Variants in SNRNP48 observed in about 807,000 individuals in gnomAD.
SNRNP48 encodes small nuclear ribonucleoprotein U11/U12 subunit 48.
Under a neutral mutation model 47.0 loss-of-function variants are expected in SNRNP48, and 43 were observed. That is an observed-to-expected ratio of 0.92 (90% CI 0.72 to 1.18). SNRNP48 has a LOEUF of 1.18. SNRNP48 is among the 50% of genes most tolerant of loss of function. SNRNP48 has a pLI of 0.00. For missense variants in SNRNP48, 396 were observed against 422.2 expected (o/e 0.94, Z 0.54); for synonymous variants, 138 against 144.0 (o/e 0.96, Z 0.30).
chr6:7,595,598 A>G (rs1248752629), intron 4 of SNRNP48, among the ~76,000 whole-genome samples: 1 of 152,250 alleles, frequency 6.6e-6, no homozygotes, highest in Non-Finnish European at 1.5e-5. Context: ...ATGTAAGTCA[A>G]GGAACATCTA....
intron 1 of SNRNP48, among the ~76,000 whole-genome samples, chr6:7,592,906 C>T (rs2806223): frequency 0.7 from 105,877 of 151,960 alleles, 37,372 homozygotes; most frequent in African/African-American, 0.82. Flanking sequence ...ATTGATTGGA[C>T]GTGGGTGATG....
chr6:7,593,589 C>A, intron 1 of SNRNP48, 145 bp from the exon 2 acceptor site: 1 of 442,246 alleles, frequency 2.3e-6, no homozygotes, highest in Non-Finnish European at 3.9e-6. Flanking sequence ...TTCTTTAATA[C>A]ACAACTACAT....
At chr6:7,602,576 T>G in intron 5 of SNRNP48, 47 bp from the exon 6 acceptor site, 1 of 1,396,538 alleles carries the variant, frequency 7.2e-7, no homozygotes, top group Non-Finnish European at 9.6e-7. Context: ...TTCATAGAAT[T>G]TAAAAGCTTT....
intron 6 of SNRNP48, among the ~76,000 whole-genome samples, chr6:7,605,006 G>GCT (rs1188069758): frequency 6.9e-6 from 1 of 144,618 alleles, no homozygotes; most frequent in Non-Finnish European, 1.5e-5. Flanking sequence ...CTTCTCATTG[G>GCT]CACTCTCTCT....
chr6:7,611,132 CT>C lies in SNRNP48; in HGVS notation c.*2260del, dbSNP rs1760226775. 6.6e-6 allele frequency: 1 copy of C among 152,286 alleles called. No individual in the cohort carries two copies. Among genetic ancestry groups the C allele is most frequent in the Non-Finnish European group, 1.5e-5 (1 of 68,138 alleles). 9.4% of individuals were successfully genotyped at this position (152,286 alleles called of 1,614,324 possible). On this transcript the variant is annotated 3_prime_UTR_variant, in exon 9 of 9. Transcript: ENST00000342415. ...CTCACTGCAGCCTCAAACTCCTAGG[CT>C]CAGGCGATCCTCTTGCCCTGGCCTC...
intron 8 of SNRNP48, among the ~76,000 whole-genome samples, chr6:7,607,416 A>C (rs898642165): frequency 2.0e-5 from 3 of 152,182 alleles, no homozygotes; most frequent in Non-Finnish European, 2.9e-5. Flanking sequence ...GTATTTTGCT[A>C]CTACGCCATG....
intron 4 of SNRNP48, 57 bp from the exon 5 acceptor site, chr6:7,601,279 T>A (rs1236894163): frequency 7.2e-7 from 1 of 1,384,216 alleles, no homozygotes; most frequent in Non-Finnish European, 9.8e-7. Flanking sequence ...ATTATTAGAT[T>A]TTAAGTTCAC....
chr6:7,602,197 T>G (rs1760037492), intron 5 of SNRNP48, among the ~76,000 whole-genome samples: 2 of 152,166 alleles, frequency 1.3e-5, no homozygotes, highest in Admixed American at 1.3e-4. Context: ...TCAAGTGTAC[T>G]GGAGGGTGTG....
chr6:7,605,818 T>C (rs1760114468), intron 7 of SNRNP48, among the ~76,000 whole-genome samples: 1 of 152,210 alleles, frequency 6.6e-6, no homozygotes, highest in Non-Finnish European at 1.5e-5. Flanking sequence ...CAAGGTCTCA[T>C]TGCAAAAATT....
intron 3 of SNRNP48, 70 bp from the exon 4 acceptor site, chr6:7,594,957 A>T (rs1759876712): frequency 7.4e-7 from 1 of 1,351,600 alleles, no homozygotes; most frequent in Admixed American, 2.2e-5. Flanking sequence ...TGGATCAGAA[A>T]CCAGTTAATA....
intron 1 of SNRNP48, among the ~76,000 whole-genome samples, chr6:7,593,046 G>A (rs934834715): frequency 3.9e-5 from 6 of 152,086 alleles, no homozygotes; most frequent in African/African-American, 1.2e-4. Flanking sequence ...TGAACTTTTA[G>A]TGTCTTTAAT....
intron 4 of SNRNP48, chr6:7,600,655 G>T (rs940050509): frequency 1.6e-4 from 24 of 151,924 alleles, no homozygotes; most frequent in African/African-American, 5.8e-4. Flanking sequence ...TAACTACCGG[G>T]GGGCACTGCT....
intron 8 of SNRNP48, among the ~76,000 whole-genome samples, chr6:7,608,379 A>T (rs1454491345): frequency 1.3e-5 from 2 of 152,178 alleles, no homozygotes; most frequent in Admixed American, 1.3e-4. Context: ...CAACATGGTG[A>T]AACCCTGACT....
chr6:7,595,070 A>T lies in SNRNP48; in HGVS notation c.375A>T (p.Ala125=), dbSNP rs775148785. The T allele has an allele frequency of 1.4e-5, 23 of 1,599,944 alleles. No individual in the cohort carries two copies. Among genetic ancestry groups the T allele is most frequent in the South Asian group, 6.9e-5 (6 of 87,532 alleles). ...AGATAATTAAACAAGCTAGAACTGC[A>T]GTTGGGAAAGACAGTGATTGTTATA... is the stretch of plus-strand genomic sequence containing the variant. ...QFQIIKQART[A]VGKDSDCYNQ... is the part of the protein sequence containing the mutation. Residue 125 remains alanine, a synonymous_variant, in exon 4 of 9, where the codon GCA becomes GCT. Transcript: ENST00000342415.
rs566143547 is a variant in SNRNP48 at position 7,608,739 on chromosome 6, G to A, written c.972-86G>A. The A allele has an allele frequency of 9.3e-6, 6 of 643,690 alleles. No individual in the cohort carries two copies. In the Admixed American group the frequency reaches 1.9e-4, roughly 21 times the overall value. The allele number at this position is 643,690 out of a possible 1,614,324, so 39.9% of individuals were successfully genotyped here. A position where few individuals can be genotyped will look rare whatever the true frequency, so the allele number is the denominator to read the frequency against. ...AAAGTAGCATATTACTGTTGAAAGT[G>A]GTGTATTACTGTTGAATTATTTTAA... is the stretch of plus-strand genomic sequence containing the variant. On this transcript the variant is annotated intron_variant, in intron 8 of 8. Coordinates refer to ENST00000342415, the MANE Select transcript of SNRNP48 (RefSeq NM_152551.4).
At chr6:7,592,056 T>C (rs887142982) in intron 1 of SNRNP48, among the ~76,000 whole-genome samples, 7 of 152,240 alleles carry the variant, frequency 4.6e-5, no homozygotes, top group African/African-American at 1.4e-4. Flanking sequence ...GGGTCTGTGA[T>C]GGGTGGGGTT....
In SNRNP48 at chr6:7,610,917, G is replaced by A. The variant is rs1236639245; in HGVS notation, c.*2044G>A. ...TGACCCCTGTGCCTGCAGCCTCATAGGTGTTAATCTGTAATTTTAAATTTT... is the reference window on the plus strand; with the variant it reads ...TGACCCCTGTGCCTGCAGCCTCATAAGTGTTAATCTGTAATTTTAAATTTT... On this transcript the variant is annotated 3_prime_UTR_variant, in exon 9 of 9. Coordinates refer to ENST00000342415, the MANE Select transcript of SNRNP48 (RefSeq NM_152551.4). The A allele has an allele frequency of 6.6e-6, 1 of 152,228 alleles. No homozygotes were observed. Among genetic ancestry groups the A allele is most frequent in the Non-Finnish European group, 1.5e-5 (1 of 68,050 alleles). 9.4% of individuals were successfully genotyped at this position (152,228 alleles called of 1,614,324 possible).
rs1424510128 is a variant in SNRNP48 at position 7,601,412 on chromosome 6, T to G, written c.483T>G (p.Arg161=). The G allele has an allele frequency of 1.2e-6, 2 of 1,603,480 alleles. No individual in the cohort carries two copies. The highest frequency in any genetic ancestry group is 2.7e-5 in the African/African-American group (2 of 74,256). Residue 161 remains arginine, a synonymous_variant, in exon 5 of 9, where the codon CGT becomes CGG. Transcript: ENST00000342415. ...RFVCDLTQAD[R]LALYDFVVEE... is the part of the protein sequence containing the mutation. Reference sequence around the variant, plus strand: ...TTTGTGATCTAACTCAAGCTGATCGTCTTGCCCTCTATGATTTCGTAGTTG... The same window carrying G: ...TTTGTGATCTAACTCAAGCTGATCGGCTTGCCCTCTATGATTTCGTAGTTG...
intron 5 of SNRNP48, 107 bp from the exon 6 acceptor site, chr6:7,602,516 C>A: frequency 2.4e-6 from 2 of 843,884 alleles, no homozygotes; most frequent in Non-Finnish European, 3.4e-6. Context: ...TTTTTATGTG[C>A]TACTTTGAAA....
Sources: gnomAD v4.1 joint callset for allele counts (sites outside exome capture counted in the v4.1 genomes callset) on GRCh38, gnomAD v4.1.1 for gene constraint, MANE v1.5 for transcripts, NCBI Gene and HGNC (gene_info 2026-07-23, HGNC 2026-07-21) for gene names.